Variants in DYM observed in about 807,000 individuals in gnomAD.
The protein encoded by DYM is dyggve-Melchior-Clausen syndrome protein.
A neutral mutation model predicts 93.1 loss-of-function variants in DYM; 78 were observed. The ratio of observed to expected loss-of-function variants is 0.84; its 90% CI spans 0.70 to 1.01. The LOEUF is 1.01. Ranked by LOEUF, DYM falls within the 50% of genes least tolerant of loss-of-function variation. DYM has a pLI of 0.00. For synonymous variants in DYM, 321 were observed against 319.7 expected (o/e 1.00, Z -0.04); for missense variants, 789 against 845.0 (o/e 0.93, Z 0.82).
chr18:49,342,252 C>T lies in DYM; in HGVS notation c.495-8399G>A, dbSNP rs75004753. ...TCTCTTGTTCCATCTTCGAAGGAAG[C>T]AAGGACTTTGAGTGACTCCTTATAT... On this transcript the variant is annotated intron_variant, in intron 6 of 17. Transcript: ENST00000675505. 3.0e-3 allele frequency among the ~76,000 whole-genome samples: 460 copies of T among 152,254 alleles called. 16 individuals are homozygous for T. In the East Asian group the frequency reaches 0.076, roughly 25 times the overall value.
rs1034412736 is a variant in DYM at position 49,038,051 on chromosome 18, C to G, written c.*6004G>C. Among the ~76,000 whole-genome samples the G allele has an allele frequency of 6.6e-6, 1 of 152,162 alleles. No homozygotes were observed. Among genetic ancestry groups the G allele is most frequent in the Non-Finnish European group, 1.5e-5 (1 of 68,026 alleles). On this transcript the variant is annotated 3_prime_UTR_variant, in exon 18 of 18. Coordinates refer to ENST00000675505, the MANE Select transcript of DYM (RefSeq NM_001353214.3). The stretch of plus-strand genomic sequence containing the variant: ...TGTTGCCCAAGCTGGTCTCAAACTC[C>G]TGGGCTCAAGTGATCTTCCTGACTT...
chr18:49,107,441 G>A (rs2080950805), intron 16 of DYM, among the ~76,000 whole-genome samples: 1 of 152,188 alleles, frequency 6.6e-6, no homozygotes, highest in Non-Finnish European at 1.5e-5. Context: ...TTGTTCCGTT[G>A]CTGGTGAGGA....
At chr18:49,235,928 A>C (rs1045100711) in intron 13 of DYM, among the ~76,000 whole-genome samples, 3 of 152,160 alleles carry the variant, frequency 2.0e-5, no homozygotes, top group Non-Finnish European at 1.5e-5. Context: ...TCTGCAAACA[A>C]AACTTGTTTA....
At chr18:49,416,076 T>C (rs981107268) in intron 2 of DYM, among the ~76,000 whole-genome samples, 9 of 152,118 alleles carry the variant, frequency 5.9e-5, no homozygotes, top group African/African-American at 2.2e-4. Context: ...ATCAGAAAAT[T>C]GGTTAAATTT....
intron 13 of DYM, among the ~76,000 whole-genome samples, chr18:49,227,506 G>T (rs982776882): frequency 6.6e-6 from 1 of 152,114 alleles, no homozygotes; most frequent in Non-Finnish European, 1.5e-5. Flanking sequence ...ATTATCAGAA[G>T]ACCATCTCAG....
intron 8 of DYM, among the ~76,000 whole-genome samples, chr18:49,331,650 TGTAGGTAA>T (rs1240360610): frequency 6.6e-6 from 1 of 152,274 alleles, no homozygotes; most frequent in Non-Finnish European, 1.5e-5. Context: ...AACGATGTTT[TGTAGGTAA>T]TCCATTCATT....
intron 8 of DYM, among the ~76,000 whole-genome samples, chr18:49,319,727 G>A (rs191864923): frequency 1.6e-3 from 241 of 152,318 alleles, no homozygotes; most frequent in African/African-American, 5.3e-3. Context: ...GCAAAAGGCA[G>A]GGCCTGGTTT....
Position 49,166,978 on chromosome 18 carries a change from T to C in DYM, c.1626-3191A>G, listed in dbSNP as rs566988724. Among the ~76,000 whole-genome samples, 32 of 141,146 alleles carry C rather than the reference T, an allele frequency of 2.3e-4. No individual in the cohort carries two copies. In the South Asian group the frequency reaches 6.7e-3, roughly 30 times the overall value. The allele number at this position is 141,146 out of a possible 152,430, so 92.6% of individuals were successfully genotyped here. Reference sequence around the variant, plus strand: ...GAGTTTAGCAAACCTGGGATGTTCATTCTCACATTCCGTGTGTGTGTGTGT... The same window carrying C: ...GAGTTTAGCAAACCTGGGATGTTCACTCTCACATTCCGTGTGTGTGTGTGT... On this transcript the variant is annotated intron_variant, in intron 14 of 17. Coordinates refer to ENST00000675505, the MANE Select transcript of DYM (RefSeq NM_001353214.3).
chr18:49,317,595 CTCCCCCCT>C (rs1332676845), intron 8 of DYM, among the ~76,000 whole-genome samples: 1 of 24,426 alleles, frequency 4.1e-5, no homozygotes, highest in African/African-American at 1.9e-4. Context: ...CTCTCTCTCT[CTCCCCCCT>C]CCCCCCTCCC....
At chr18:49,136,665 T>C (rs554710436) in intron 15 of DYM, among the ~76,000 whole-genome samples, 1 of 152,202 alleles carries the variant, frequency 6.6e-6, no homozygotes, top group African/African-American at 2.4e-5. Flanking sequence ...TCTCAATATG[T>C]AAAATATAAA....
At chr18:49,201,190 A>C (rs1297687938) in intron 14 of DYM, among the ~76,000 whole-genome samples, 1 of 152,248 alleles carries the variant, frequency 6.6e-6, no homozygotes, top group Non-Finnish European at 1.5e-5. Flanking sequence ...AATGATACAT[A>C]CTAAATATTT....
chr18:49,065,045 TTTAAG>T (rs1198883274), intron 17 of DYM, among the ~76,000 whole-genome samples: 1 of 152,084 alleles, frequency 6.6e-6, no homozygotes, highest in African/African-American at 2.4e-5. Flanking sequence ...CATTGAACTG[TTTAAG>T]TTATGCTTAA....
chr18:49,268,910 T>G (rs1232551048), intron 11 of DYM, among the ~76,000 whole-genome samples: 1 of 152,090 alleles, frequency 6.6e-6, no homozygotes, highest in Non-Finnish European at 1.5e-5. Flanking sequence ...AATTTCTATG[T>G]TCACATCAAA....
intron 3 of DYM, among the ~76,000 whole-genome samples, chr18:49,384,344 G>T (rs9956266): frequency 8.6e-6 from 1 of 116,336 alleles, no homozygotes; most frequent in African/African-American, 3.3e-5. Flanking sequence ...AAAAAAAAAA[G>T]GCTGGGTGCA....
At chr18:49,424,391 C>T (rs2074049537) in intron 2 of DYM, among the ~76,000 whole-genome samples, 1 of 152,030 alleles carries the variant, frequency 6.6e-6, no homozygotes, top group Non-Finnish European at 1.5e-5. Context: ...GTTGATGGGA[C>T]ATATCTCAAA....
chr18:49,329,078 T>A (rs1026647109), intron 8 of DYM, among the ~76,000 whole-genome samples: 7 of 152,004 alleles, frequency 4.6e-5, no homozygotes, highest in African/African-American at 1.7e-4. Context: ...ATGTGGCACA[T>A]ATACACCATG....
intron 16 of DYM, among the ~76,000 whole-genome samples, chr18:49,097,874 G>GCGCTCT (rs1555753684): frequency 1.4e-5 from 2 of 141,180 alleles, no homozygotes; most frequent in South Asian, 4.8e-4. Flanking sequence ...CTTAATATTA[G>GCGCTCT]CTCTCTCTCT....
chr18:49,119,037 G>A, intron 15 of DYM, 111 bp from the exon 16 acceptor site: 2 of 869,820 alleles, frequency 2.3e-6, no homozygotes. Context: ...GAAAGATCAT[G>A]AAGAGAAGAA....
chr18:49,309,410 G>C (rs1178304201), intron 8 of DYM, among the ~76,000 whole-genome samples: 1 of 152,186 alleles, frequency 6.6e-6, no homozygotes, highest in Non-Finnish European at 1.5e-5. Flanking sequence ...TGAGGCAGGA[G>C]GCTGACTAGA....
Sources: gnomAD v4.1 joint callset for allele counts (sites outside exome capture counted in the v4.1 genomes callset) on GRCh38, gnomAD v4.1.1 for gene constraint, MANE v1.5 for transcripts, NCBI Gene and HGNC (gene_info 2026-07-23, HGNC 2026-07-21) for gene names.